Variants in PPP2R2B observed in about 807,000 individuals in gnomAD.
The protein encoded by PPP2R2B is serine/threonine-protein phosphatase 2A 55 kDa regulatory subunit B beta isoform.
A neutral mutation model predicts 46.0 loss-of-function variants in PPP2R2B; 5 were observed. The ratio of observed to expected loss-of-function variants is 0.11; its 90% CI spans 0.06 to 0.23. PPP2R2B has a LOEUF of 0.23. PPP2R2B is among the 10% of genes least tolerant of loss of function. The pLI, the probability that PPP2R2B is intolerant of heterozygous loss-of-function variation, is 1.00. For synonymous variants in PPP2R2B, 215 were observed against 206.7 expected (o/e 1.04, Z -0.34); for missense variants, 367 against 575.0 (o/e 0.64, Z 3.70).
intron 1 of PPP2R2B, among the ~76,000 whole-genome samples, chr5:146,976,439 C>G (rs1258210857): frequency 6.6e-6 from 1 of 151,976 alleles, no homozygotes; most frequent in African/African-American, 2.4e-5. Flanking sequence ...GCCCGGCCAA[C>G]AGTTTTATAG....
At chr5:146,852,049 T>C (rs10039363) in intron 2 of PPP2R2B, among the ~76,000 whole-genome samples, 27,594 of 152,040 alleles carry the variant, frequency 0.18, 3,003 homozygotes, top group East Asian at 0.35. Flanking sequence ...ATTTGAAGCA[T>C]GAGACCAGAG....
At chr5:146,749,789 G>A (rs1293990167) in intron 2 of PPP2R2B, among the ~76,000 whole-genome samples, 1 of 151,692 alleles carries the variant, frequency 6.6e-6, no homozygotes, top group Non-Finnish European at 1.5e-5. Flanking sequence ...TAGTAGAGAC[G>A]GGGTTTCACC....
chr5:146,784,310 G>A (rs923758879), intron 2 of PPP2R2B, among the ~76,000 whole-genome samples: 2 of 152,118 alleles, frequency 1.3e-5, no homozygotes, highest in African/African-American at 4.8e-5. Flanking sequence ...CTAAATGACT[G>A]GATTGGATTC....
At chr5:146,789,002 T>C (rs1305099772) in intron 2 of PPP2R2B, among the ~76,000 whole-genome samples, 3 of 152,154 alleles carry the variant, frequency 2.0e-5, no homozygotes, top group African/African-American at 7.2e-5. Context: ...AGGGCTCAGA[T>C]CAGTTGGGAC....
intron 2 of PPP2R2B, among the ~76,000 whole-genome samples, chr5:146,736,624 C>T (rs1752555096): frequency 6.6e-6 from 1 of 152,168 alleles, no homozygotes; most frequent in Admixed American, 6.5e-5. Context: ...CATCTTCTTC[C>T]CAGCCCCCAG....
chr5:146,906,114 T>G (rs1364894886), intron 1 of PPP2R2B, among the ~76,000 whole-genome samples: 2 of 152,128 alleles, frequency 1.3e-5, no homozygotes, highest in Admixed American at 6.5e-5. Flanking sequence ...AAAGATATAT[T>G]GTCTGAGTTG....
intron 1 of PPP2R2B, among the ~76,000 whole-genome samples, chr5:146,967,485 G>A (rs1752475862): frequency 6.6e-6 from 1 of 152,194 alleles, no homozygotes; most frequent in African/African-American, 2.4e-5. Context: ...GAGAAGTTAA[G>A]TAATTTCCCC....
intron 1 of PPP2R2B, among the ~76,000 whole-genome samples, chr5:146,954,996 T>C (rs74503244): frequency 0.043 from 6,541 of 152,262 alleles, 203 homozygotes; most frequent in Non-Finnish European, 0.067. Flanking sequence ...GAATAACTTA[T>C]CTGCTCGATG....
rs144649302 is a variant in PPP2R2B, at chr5:147,050,866, C to T, written c.79+4799G>A. Among the ~76,000 whole-genome samples, 29 of 148,936 alleles carry T rather than the reference C, an allele frequency of 1.9e-4. No homozygotes were observed. In the East Asian group the frequency reaches 5.2e-3, roughly 27 times the overall value. The stretch of plus-strand genomic sequence containing the variant: ...TGTAGATTTCCAGCAAACATGCTTC[C>T]GGGTGTCACTGGAAGATACTTGCTT... On this transcript the variant is annotated intron_variant, in intron 1 of 8. Transcript: ENST00000336640.
At chr5:146,797,794 T>A (rs1040463482) in intron 2 of PPP2R2B, among the ~76,000 whole-genome samples, 1 of 152,198 alleles carries the variant, frequency 6.6e-6, no homozygotes, top group African/African-American at 2.4e-5. Flanking sequence ...GACATGTTAA[T>A]TGGGGCTCAG....
intron 5 of PPP2R2B, among the ~76,000 whole-genome samples, chr5:146,674,131 C>A (rs1301472943): frequency 6.6e-6 from 1 of 152,160 alleles, no homozygotes; most frequent in Non-Finnish European, 1.5e-5. Context: ...TTGGAGCTAG[C>A]TACATATTAT....
intron 5 of PPP2R2B, among the ~76,000 whole-genome samples, chr5:146,678,673 C>T (rs1198523596): frequency 6.7e-6 from 1 of 148,960 alleles, no homozygotes; most frequent in Non-Finnish European, 1.5e-5. Context: ...TCTCCTTAAG[C>T]TGATAAGCAA....
chr5:146,930,688 A>G (rs1763939781), intron 1 of PPP2R2B, among the ~76,000 whole-genome samples: 1 of 152,206 alleles, frequency 6.6e-6, no homozygotes, highest in African/African-American at 2.4e-5. Context: ...TGAATTAAAA[A>G]TGCAGAAGAA....
At position 146,952,210 on chromosome 5, in the gene PPP2R2B, C is replaced by T. The variant is rs1381966847; in HGVS notation, c.79+103455G>A. Reference sequence around the variant, plus strand: ...TTCTTGCCCTGTTGATTTTTTAAATCCTTTTTTTGGGATGACCAAGTCCTT... The same window carrying T: ...TTCTTGCCCTGTTGATTTTTTAAATTCTTTTTTTGGGATGACCAAGTCCTT... On this transcript the variant is annotated intron_variant, in intron 1 of 8. Coordinates refer to the PPP2R2B transcript ENST00000336640. Among the ~76,000 whole-genome samples the T allele has an allele frequency of 5.3e-5, 8 of 151,966 alleles. No individual in the cohort carries two copies. In the South Asian group the frequency reaches 1.7e-3, roughly 32 times the overall value.
chr5:146,878,316 A>AG lies in PPP2R2B; in HGVS notation c.-124-122dup. 6.9e-7 allele frequency: 1 copy of AG among 1,444,548 alleles called. No homozygotes were observed. The highest frequency in any genetic ancestry group is 2.7e-5 in the Admixed American group (1 of 36,582). The allele number at this position is 1,444,548 out of a possible 1,614,324, so 89.5% of individuals were successfully genotyped here. On this transcript the variant is annotated intron_variant, in intron 1 of 9. Coordinates refer to ENST00000394411, the MANE Select transcript of PPP2R2B (RefSeq NM_181675.4). The surrounding 1 kb of genome is among the most constrained non-coding windows in gnomAD (Gnocchi z 4.5). ...TCCTCCCGCGCGGTGCGCTCACTCCAGCTCCAGTTCCCAGCGAGGATGCTG... is the reference window on the plus strand; with the variant it reads ...TCCTCCCGCGCGGTGCGCTCACTCCAGGCTCCAGTTCCCAGCGAGGATGCTG...
chr5:146,883,727 A>G (rs111380647), upstream of PPP2R2B, among the ~76,000 whole-genome samples: 5 of 152,350 alleles, frequency 3.3e-5, 1 homozygote, highest in African/African-American at 1.2e-4. Context: ...CAAGTTTGCA[A>G]TTCCTGTTTG....
At chr5:147,034,433 A>T (rs746936741) in intron 1 of PPP2R2B, among the ~76,000 whole-genome samples, 1 of 152,150 alleles carries the variant, frequency 6.6e-6, no homozygotes, top group Non-Finnish European at 1.5e-5. Flanking sequence ...TAAAATAATG[A>T]CCCATAGTAG....
chr5:146,699,967 T>A (rs1006913928), intron 3 of PPP2R2B, among the ~76,000 whole-genome samples: 2 of 152,086 alleles, frequency 1.3e-5, no homozygotes, highest in African/African-American at 4.8e-5. Context: ...CCAGGGCCAA[T>A]GGAATAGGCT....
upstream of PPP2R2B, among the ~76,000 whole-genome samples, chr5:147,057,315 G>T (rs1757119650): frequency 6.6e-6 from 1 of 152,332 alleles, no homozygotes; most frequent in East Asian, 1.9e-4. Flanking sequence ...GCCATCCTAA[G>T]TAAGGTGCTG....
Sources: gnomAD v4.1 joint callset for allele counts (sites outside exome capture counted in the v4.1 genomes callset) on GRCh38, gnomAD v4.1.1 for gene constraint, Gnocchi (gnomAD v3.1) non-coding constraint, MANE v1.5 for transcripts, NCBI Gene and HGNC (gene_info 2026-07-23, HGNC 2026-07-21) for gene names.